The following LDAH variants were observed in gnomAD, a reference collection of about 807,000 sequenced individuals.
The protein encoded by LDAH is lipid droplet associated hydrolase.
Under a neutral mutation model 29.6 loss-of-function variants are expected in LDAH, and 26 were observed. The observed-to-expected ratio is 0.88, with a 90% CI of 0.64 to 1.22. LDAH has a LOEUF of 1.22. LDAH is among the 50% of genes most tolerant of loss of function. LDAH has a pLI of 0.00. For synonymous variants in LDAH, 117 were observed against 133.0 expected, an observed-to-expected ratio of 0.88 and a Z score of 0.83; for missense variants, 344 against 387.3, an observed-to-expected ratio of 0.89 and a Z score of 0.94.
rs1273525627 is a variant in LDAH, at chr2:20,685,182, T to C, written c.*1721A>G. 3 of 490,190 alleles carry C rather than the reference T, an allele frequency of 6.1e-6. No individual in the cohort carries two copies. The highest frequency in any genetic ancestry group is 1.1e-5 in the Non-Finnish European group (3 of 285,116). 30.4% of individuals were successfully genotyped at this position (490,190 alleles called of 1,614,324 possible). A position where few individuals can be genotyped will look rare whatever the true frequency, so the allele number is the denominator to read the frequency against. ...GACACAATTTCATACGTGCAGACTT[T>C]TGAAATATGGAGTAACATTTAAAAT... On this transcript the variant is annotated 3_prime_UTR_variant, in exon 7 of 7. Coordinates refer to ENST00000237822, the MANE Select transcript of LDAH (RefSeq NM_021925.4).
intron 5 of LDAH, among the ~76,000 whole-genome samples, chr2:20,716,729 C>T (rs62123973): frequency 0.12 from 14,034 of 117,650 alleles, 1,334 homozygotes; most frequent in East Asian, 0.17. Flanking sequence ...AGTATATATA[C>T]ATATATATAT....
Position 20,801,406 on chromosome 2 carries a change from C to G in LDAH, c.58G>C (p.Gly20Arg). 6.2e-7 allele frequency: 1 copy of G among 1,614,072 alleles called. No individual in the cohort carries two copies. The highest frequency in any genetic ancestry group is 1.1e-5 in the South Asian group (1 of 91,082). ...PVHEEFILCG[G>R]AETQVLKCGP... ...CATTTTAGAACCTGGGTTTCGGCTC[C>G]ACCACACAAAATGAATTCCTCATGC... The change falls in exon 2 of 7, where the codon GGA becomes CGA. Residue 20 changes from glycine to arginine, a missense_variant. Gly to Arg is a moderately radical substitution (Grantham distance 125). Transcript: ENST00000237822.
Position 20,685,531 on chromosome 2 carries a change from C to G in LDAH, c.*1372G>C. 1 of 1,549,596 alleles carries G rather than the reference C, an allele frequency of 6.5e-7. No homozygotes were observed. The highest frequency in any genetic ancestry group is 8.7e-7 in the Non-Finnish European group (1 of 1,146,672). ...TAGAAGCTATGCCAAAGCACAGTAA[C>G]TCATTCAGCACTTACCAATAAGTTG... On this transcript the variant is annotated 3_prime_UTR_variant, in exon 7 of 7. Transcript: ENST00000237822.
chr2:20,738,495 A>C (rs1468217107), intron 5 of LDAH, among the ~76,000 whole-genome samples: 1 of 151,976 alleles, frequency 6.6e-6, no homozygotes, highest in African/African-American at 2.4e-5. Context: ...TTTGCTTTGC[A>C]CTGCAGACTC....
chr2:20,707,293 G>A (rs904590970), intron 5 of LDAH, among the ~76,000 whole-genome samples: 3 of 152,104 alleles, frequency 2.0e-5, no homozygotes, highest in African/African-American at 7.2e-5. Flanking sequence ...CCTTCCCATG[G>A]GGACCACAAT....
At chr2:20,778,672 C>CCAAAAAAAA (rs1669976789) in intron 3 of LDAH, among the ~76,000 whole-genome samples, 1 of 152,010 alleles carries the variant, frequency 6.6e-6, no homozygotes, top group Admixed American at 6.6e-5. Context: ...GATAAAAACA[C>CCAAAAAAAA]AATCATTAAA....
In LDAH at chr2:20,685,958, C is replaced by T. The variant is rs1662529558; in HGVS notation, c.*945G>A. On this transcript the variant is annotated 3_prime_UTR_variant, in exon 7 of 7. Coordinates refer to ENST00000237822, the MANE Select transcript of LDAH (RefSeq NM_021925.4). ...TTAAAAGAAGCTTTTAAAAATTATT[C>T]ACTAGAAGATTTCCAGAAGAAAAGA... 1.2e-5 allele frequency: 3 copies of T among 245,922 alleles called. No homozygotes were observed. Among genetic ancestry groups the T allele is most frequent in the Admixed American group, 5.4e-5 (1 of 18,448 alleles). The allele number at this position is 245,922 out of a possible 1,614,324, so 15.2% of individuals were successfully genotyped here.
chr2:20,785,733 G>C (rs962007687), intron 3 of LDAH, among the ~76,000 whole-genome samples: 1 of 152,134 alleles, frequency 6.6e-6, no homozygotes, highest in Non-Finnish European at 1.5e-5. Flanking sequence ...TTGCATTTCA[G>C]TTAGGAAAAT....
rs188388161 is a variant in LDAH, at chr2:20,757,356, C to T, written c.469-17151G>A. 6.6e-5 allele frequency among the ~76,000 whole-genome samples: 10 copies of T among 152,286 alleles called. No individual in the cohort carries two copies. In the East Asian group the frequency reaches 1.9e-3, roughly 29 times the overall value. Reference sequence around the variant, plus strand: ...ACTATACCCTAGAAGTAACGATGAACTGGAAATAGGCCAGCCCCTCCAAAG... The same window carrying T: ...ACTATACCCTAGAAGTAACGATGAATTGGAAATAGGCCAGCCCCTCCAAAG... On this transcript the variant is annotated intron_variant, in intron 4 of 6. Coordinates refer to ENST00000237822, the MANE Select transcript of LDAH (RefSeq NM_021925.4).
chr2:20,722,415 G>T (rs1665718160), intron 5 of LDAH, among the ~76,000 whole-genome samples: 1 of 149,460 alleles, frequency 6.7e-6, no homozygotes, highest in Admixed American at 6.7e-5. Flanking sequence ...ATCTCACAGG[G>T]GTAGACAGTA....
Position 20,685,709 on chromosome 2 carries a change from G to A in LDAH, c.*1194C>T. ...CCATGATCAACTGTCACTGCAGTATGTGGTTCTCAAGATTGAGTCAATTTA... is the reference window on the plus strand; with the variant it reads ...CCATGATCAACTGTCACTGCAGTATATGGTTCTCAAGATTGAGTCAATTTA... On this transcript the variant is annotated 3_prime_UTR_variant, in exon 7 of 7. Coordinates refer to ENST00000237822, the MANE Select transcript of LDAH (RefSeq NM_021925.4). 6.5e-7 allele frequency: 1 copy of A among 1,527,364 alleles called. No homozygotes were observed. 94.6% of individuals were successfully genotyped at this position (1,527,364 alleles called of 1,614,324 possible).
chr2:20,819,793 G>C (rs1055352443), intron 1 of LDAH, among the ~76,000 whole-genome samples: 2 of 152,148 alleles, frequency 1.3e-5, no homozygotes, highest in Admixed American at 6.5e-5. Flanking sequence ...GAAATAAAGG[G>C]TATTCAATTA....
chr2:20,780,571 A>G (rs1245203420), intron 3 of LDAH, among the ~76,000 whole-genome samples: 7 of 152,190 alleles, frequency 4.6e-5, no homozygotes, highest in Non-Finnish European at 1.0e-4. Context: ...AAAGTTGGGT[A>G]TAAATGAAGT....
chr2:20,686,827 T>G lies in LDAH; in HGVS notation c.*76A>C. ...CATTTCTAATATCAGTCTTCAAAAT[T>G]AAACATTTACCTACTAAGTCTAGTA... On this transcript the variant is annotated 3_prime_UTR_variant, in exon 7 of 7. Transcript: ENST00000237822. 3.8e-6 allele frequency: 5 copies of G among 1,317,114 alleles called. No individual in the cohort carries two copies. Among genetic ancestry groups the G allele is most frequent in the Non-Finnish European group, 5.2e-6 (5 of 957,310 alleles). The allele number at this position is 1,317,114 out of a possible 1,614,324, so 81.6% of individuals were successfully genotyped here. A position where few individuals can be genotyped will look rare whatever the true frequency, so the allele number is the denominator to read the frequency against.
chr2:20,751,189 A>G (rs1259668736), intron 4 of LDAH, among the ~76,000 whole-genome samples: 2 of 152,228 alleles, frequency 1.3e-5, no homozygotes, highest in African/African-American at 2.4e-5. Context: ...AAATAATTCT[A>G]TAATATTCTC....
intron 4 of LDAH, among the ~76,000 whole-genome samples, chr2:20,759,517 A>G (rs1221822016): frequency 6.6e-6 from 1 of 152,090 alleles, no homozygotes; most frequent in African/African-American, 2.4e-5. Flanking sequence ...TTGTTCACAG[A>G]TTTTCCATAC....
intron 4 of LDAH, among the ~76,000 whole-genome samples, chr2:20,769,109 C>T (rs12465394): frequency 0.044 from 6,773 of 152,232 alleles, 154 homozygotes; most frequent in Middle Eastern, 0.078. Context: ...GCCCTCTCCC[C>T]GTGCCCAGTG....
At chr2:20,802,778 C>T (rs529057149) in intron 1 of LDAH, among the ~76,000 whole-genome samples, 64 of 152,342 alleles carry the variant, frequency 4.2e-4, no homozygotes, top group Middle Eastern at 3.4e-3. Flanking sequence ...AATCCCATAA[C>T]TGTACTTTGT....
intron 5 of LDAH, 23 bp downstream of exon 5, chr2:20,739,946 TAC>T (rs199600420): frequency 9.2e-6 from 14 of 1,529,940 alleles, no homozygotes; most frequent in Non-Finnish European, 1.3e-5. Context: ...AGAATAAACA[TAC>T]ACATTTTAAA....
Sources: gnomAD v4.1 joint callset for allele counts (sites outside exome capture counted in the v4.1 genomes callset) on GRCh38, gnomAD v4.1.1 for gene constraint, MANE v1.5 for transcripts, NCBI Gene and HGNC (gene_info 2026-07-23, HGNC 2026-07-21) for gene names.